Variants in GCLC observed in about 807,000 individuals in gnomAD.
GCLC encodes the protein glutamate--cysteine ligase catalytic subunit.
A neutral mutation model predicts 81.5 loss-of-function variants in GCLC; 30 were observed. The observed-to-expected ratio is 0.37, with a 90% CI of 0.28 to 0.50. The LOEUF (loss-of-function observed/expected upper bound fraction) is 0.50, where lower values mean the gene tolerates loss of function less well. Among genes scored for constraint, GCLC ranks in the 20% least tolerant of loss-of-function variants. GCLC has a pLI of 0.96. For missense variants in GCLC, 556 were observed against 777.4 expected (o/e 0.72, Z 3.39); for synonymous variants, 262 against 273.3 (o/e 0.96, Z 0.41).
rs1320782085 is a variant in GCLC at position 53,508,730 on chromosome 6, C to T, written c.829-19G>A. On this transcript the variant is annotated intron_variant, in intron 7 of 15. Coordinates refer to ENST00000650454, the MANE Select transcript of GCLC (RefSeq NM_001498.4). ...AAGCCATCTAAAAACAAACAAAAGT[C>T]AGCTCCTGCAAATTCAAAGTGTCAC... 5.3e-6 allele frequency: 8 copies of T among 1,500,774 alleles called. No individual in the cohort carries two copies. The highest frequency in any genetic ancestry group is 7.4e-6 in the Non-Finnish European group (8 of 1,076,938). The allele number at this position is 1,500,774 out of a possible 1,614,324, so 93.0% of individuals were successfully genotyped here.
chr6:53,506,391 C>G lies in GCLC; in HGVS notation c.1198-496G>C. 1 of 220,656 alleles carries G rather than the reference C, an allele frequency of 4.5e-6. No homozygotes were observed. The highest frequency in any genetic ancestry group is 9.0e-6 in the Non-Finnish European group (1 of 110,854). The allele number at this position is 220,656 out of a possible 1,614,324, so 13.7% of individuals were successfully genotyped here. On this transcript the variant is annotated intron_variant, in intron 10 of 15. Transcript: ENST00000650454. The surrounding 1 kb of genome is among the most constrained non-coding windows in gnomAD (Gnocchi z 4.0). ...AGAGTTCTTTCTCCGTCCTGACCAT[C>G]TTGGGACCCGATGGCAAGACTGGAA...
At chr6:53,501,835 T>C (rs1764519773) in intron 12 of GCLC, among the ~76,000 whole-genome samples, 1 of 152,248 alleles carries the variant, frequency 6.6e-6, no homozygotes, top group Non-Finnish European at 1.5e-5. Context: ...CACTTATAAT[T>C]TGTGCTTTGA....
chr6:53,504,428 AT>A (rs1355587818), intron 12 of GCLC, among the ~76,000 whole-genome samples: 4 of 152,106 alleles, frequency 2.6e-5, no homozygotes. Flanking sequence ...AAGGCTGTTA[AT>A]TGTTCTCAAT....
intron 3 of GCLC, among the ~76,000 whole-genome samples, chr6:53,517,156 A>G (rs896893460): frequency 3.5e-5 from 5 of 143,452 alleles, no homozygotes; most frequent in Non-Finnish European, 7.5e-5. Flanking sequence ...GTGCAATCAT[A>G]GCTCAGTGCA....
chr6:53,540,329 GA>G (rs71276877), intron 1 of GCLC, among the ~76,000 whole-genome samples: 23 of 138,326 alleles, frequency 1.7e-4, no homozygotes, highest in Admixed American at 4.3e-4. Flanking sequence ...CCTCAAAAAA[GA>G]AAAAAAAAAA....
At chr6:53,499,120 C>G (rs767919794) in intron 15 of GCLC, among the ~76,000 whole-genome samples, 153 bp from the exon 16 acceptor site, 1 of 152,076 alleles carries the variant, frequency 6.6e-6, no homozygotes, top group Non-Finnish European at 1.5e-5. Flanking sequence ...GAACATCTTT[C>G]ATAGCGTTTG....
At chr6:53,541,391 C>T (rs1763352041) in intron 1 of GCLC, among the ~76,000 whole-genome samples, 1 of 152,176 alleles carries the variant, frequency 6.6e-6, no homozygotes, top group Non-Finnish European at 1.5e-5. Flanking sequence ...CCTAGGCAGT[C>T]TTCACAATCT....
chr6:53,514,200 A>T lies in GCLC; in HGVS notation c.753+4T>A, dbSNP rs1339274064. On this transcript the variant is annotated splice_donor_region_variant and intron_variant, in intron 6 of 15. Transcript: ENST00000650454. ...TTTGCCTCTCTGTATATTTGAAACT[A>T]TACCTGGAGACAGCAATTGCCCATT... The T allele has an allele frequency of 6.2e-7, 1 of 1,613,898 alleles. No homozygotes were observed. Among genetic ancestry groups the T allele is most frequent in the Admixed American group, 1.7e-5 (1 of 60,030 alleles).
In GCLC at chr6:53,515,676, A is replaced by ATT. The variant is rs562736298; in HGVS notation, c.560+431_560+432dup. 2.0e-5 allele frequency among the ~76,000 whole-genome samples: 3 copies of ATT among 152,148 alleles called. No individual in the cohort carries two copies. In the South Asian group the frequency reaches 6.2e-4, roughly 32 times the overall value. On this transcript the variant is annotated intron_variant, in intron 4 of 15. Transcript: ENST00000650454. ...TTGAAGTTAATGGAAGAGAGTGCCTATTATATATATCAGGTACTGCACCTA... is the reference window on the plus strand; with the variant it reads ...TTGAAGTTAATGGAAGAGAGTGCCTATTTTATATATATCAGGTACTGCACCTA...
chr6:53,542,587 T>G (rs1248632865), intron 1 of GCLC, among the ~76,000 whole-genome samples: 21 of 134,964 alleles, frequency 1.6e-4, no homozygotes, highest in East Asian at 6.5e-4. Flanking sequence ...TGGTGGGGGG[T>G]GGGGTGTTGT....
rs1764396771 is a variant in GCLC, at chr6:53,497,639, A to T, written c.*1117T>A. The T allele has an allele frequency of 7.4e-6, 1 of 135,456 alleles. No individual in the cohort carries two copies. The highest frequency in any genetic ancestry group is 2.3e-4 in the South Asian group (1 of 4,276). 8.4% of individuals were successfully genotyped at this position (135,456 alleles called of 1,614,324 possible). On this transcript the variant is annotated 3_prime_UTR_variant, in exon 16 of 16. Coordinates refer to ENST00000650454, the MANE Select transcript of GCLC (RefSeq NM_001498.4). ...GAGTTATTTCAGAAGCAGTTGACTTAACTAGTTGAGAAAAAAAACAACAAA... is the reference window on the plus strand; with the variant it reads ...GAGTTATTTCAGAAGCAGTTGACTTTACTAGTTGAGAAAAAAAACAACAAA...
intron 9 of GCLC, 166 bp from the exon 10 acceptor site, chr6:53,507,191 C>T (rs576403550): frequency 6.9e-5 from 48 of 696,636 alleles, no homozygotes; most frequent in South Asian, 3.0e-4. Flanking sequence ...TTTTATCCTG[C>T]GGACACTGCG....
chr6:53,523,328 G>C (rs547485853), intron 1 of GCLC: 13 of 152,322 alleles, frequency 8.5e-5, no homozygotes, highest in African/African-American at 3.1e-4. Context: ...GAATCACTGT[G>C]TGTGATGGAA....
chr6:53,516,251 G>A (rs752329285), intron 3 of GCLC, 29 bp from the exon 4 acceptor site: 2 of 1,368,272 alleles, frequency 1.5e-6, no homozygotes, highest in African/African-American at 1.4e-5. Flanking sequence ...CTAAATAGAT[G>A]GGATTTGTTT....
chr6:53,542,062 GC>G (rs1185992260), intron 1 of GCLC, among the ~76,000 whole-genome samples: 7 of 152,106 alleles, frequency 4.6e-5, no homozygotes, highest in African/African-American at 1.7e-4. Flanking sequence ...TCGCTATATT[GC>G]CCAGGCTGGC....
chr6:53,511,650 C>T (rs945787424), intron 6 of GCLC, among the ~76,000 whole-genome samples: 11 of 152,044 alleles, frequency 7.2e-5, no homozygotes, highest in East Asian at 1.9e-4. Flanking sequence ...TTAAATAGGA[C>T]ATCACTGTGG....
chr6:53,534,125 C>T (rs919452090), intron 1 of GCLC, among the ~76,000 whole-genome samples: 2 of 152,180 alleles, frequency 1.3e-5, no homozygotes, highest in Non-Finnish European at 2.9e-5. Flanking sequence ...TCACACAACC[C>T]GGGGTGACCC....
At chr6:53,515,985 T>G in intron 4 of GCLC, 124 bp downstream of exon 4, 1 of 689,416 alleles carries the variant, frequency 1.5e-6, no homozygotes, top group East Asian at 2.8e-5. Flanking sequence ...CTTCTCTGGT[T>G]ACTTAGGAAG....
intron 3 of GCLC, 36 bp downstream of exon 3, chr6:53,520,742 A>C: frequency 6.4e-6 from 10 of 1,555,022 alleles, no homozygotes; most frequent in Non-Finnish European, 8.9e-6. Context: ...TGTATCTCTG[A>C]GAGATCTGCT....
Sources: allele counts gnomAD v4.1 joint callset (sites outside exome capture counted in the v4.1 genomes callset), GRCh38; gene constraint gnomAD v4.1.1; non-coding constraint Gnocchi (gnomAD v3.1); transcripts MANE v1.5; gene names NCBI Gene and HGNC (gene_info 2026-07-23, HGNC 2026-07-21).